HP1BP3: variants seen among roughly 807,000 people sequenced by gnomAD.
HP1BP3 encodes heterochromatin protein 1 binding protein 3, also known as heterochromatin protein 1-binding protein 3.
In HP1BP3, 12 loss-of-function variants were observed where a neutral mutation model predicts 62.5. That is an observed-to-expected ratio of 0.19 (90% CI 0.12 to 0.31). The LOEUF (loss-of-function observed/expected upper bound fraction) is 0.31. Ranked by LOEUF, HP1BP3 falls within the 10% of genes least tolerant of loss-of-function variation. HP1BP3 has a pLI of 1.00. For synonymous variants in HP1BP3, 260 were observed against 237.8 expected, an observed-to-expected ratio of 1.09 and a Z score of -0.86; for missense variants, 502 against 651.8, an observed-to-expected ratio of 0.77 and a Z score of 2.50.
intron 1 of HP1BP3, among the ~76,000 whole-genome samples, chr1:20,781,579 G>GTGTAACA (rs2057550241): frequency 6.6e-6 from 1 of 152,212 alleles, no homozygotes; most frequent in East Asian, 1.9e-4. Flanking sequence ...ATTCAGTGCA[G>GTGTAACA]TGTAACACAC....
At position 20,776,322 on chromosome 1, in the gene HP1BP3, A is replaced by G. The variant is rs893151583; in HGVS notation, c.350+275T>C. The G allele has an allele frequency of 7.5e-5, 32 of 429,120 alleles. 1 individual carries two copies. In the East Asian group the frequency reaches 1.2e-3, roughly 15 times the overall value. The allele number at this position is 429,120 out of a possible 1,614,324, so 26.6% of individuals were successfully genotyped here. On this transcript the variant is annotated intron_variant, in intron 4 of 12. Transcript: ENST00000438032. ...GTCTTGCCAATGCTTAAAATATCAG[A>G]TACTCCCACAATAAATTACAAGCTC...
At chr1:20,765,199 T>TAAA (rs2056719444) in intron 8 of HP1BP3, among the ~76,000 whole-genome samples, 178 bp downstream of exon 8, 3 of 143,716 alleles carry the variant, frequency 2.1e-5, no homozygotes, top group Non-Finnish European at 3.1e-5. Flanking sequence ...AAAAAAAAAT[T>TAAA]ATACATGGAG....
intron 1 of HP1BP3, among the ~76,000 whole-genome samples, chr1:20,784,455 T>A (rs373758986): frequency 6.7e-6 from 1 of 148,772 alleles, no homozygotes; most frequent in African/African-American, 2.5e-5. Flanking sequence ...GATGAACAAA[T>A]AAAACTTATT....
chr1:20,754,056 CAAA>C (rs929083927), intron 9 of HP1BP3, among the ~76,000 whole-genome samples: 8 of 152,122 alleles, frequency 5.3e-5, no homozygotes, highest in African/African-American at 1.9e-4. Context: ...AGACTAGAAA[CAAA>C]GAAGTAAAAT....
At chr1:20,786,153 T>C (rs1364786293) in intron 1 of HP1BP3, 1 of 152,312 alleles carries the variant, frequency 6.6e-6, no homozygotes, top group Non-Finnish European at 1.5e-5. Flanking sequence ...CAGCTGTTAA[T>C]GCAGTACCAA....
Position 20,787,249 on chromosome 1 carries a change from T to A in HP1BP3, c.-155A>T, listed in dbSNP as rs959213611. On this transcript the variant is annotated 5_prime_UTR_variant, in exon 1 of 13. Transcript: ENST00000438032. ...GTCCCGCACGGCCTCTCGGCGCCGC[T>A]CCCGCCGCCGCTAGTCGCCTCCGCC... is the stretch of plus-strand genomic sequence containing the variant. 1 of 151,450 alleles carries A rather than the reference T, an allele frequency of 6.6e-6. No individual in the cohort carries two copies. Among genetic ancestry groups the A allele is most frequent in the Non-Finnish European group, 1.5e-5 (1 of 67,782 alleles). 9.4% of individuals were successfully genotyped at this position (151,450 alleles called of 1,614,324 possible). A position where few individuals can be genotyped will look rare whatever the true frequency, so the allele number is the denominator to read the frequency against.
rs958213594 is a variant in HP1BP3, at chr1:20,780,551, G to A, written c.-100-11C>T. ...TGGTGAAGAATCAACCTAAAGCACA[G>A]AAAAGACCTGGTGTGAAGATTAACA... On this transcript the variant is annotated splice_polypyrimidine_tract_variant and intron_variant, in intron 1 of 12. Coordinates refer to ENST00000438032, the MANE Select transcript of HP1BP3 (RefSeq NM_001372052.1). 4.1e-6 allele frequency: 3 copies of A among 725,530 alleles called. No homozygotes were observed. Among genetic ancestry groups the A allele is most frequent in the African/African-American group, 3.5e-5 (2 of 57,468 alleles). The allele number at this position is 725,530 out of a possible 1,614,324, so 44.9% of individuals were successfully genotyped here.
intron 2 of HP1BP3, 54 bp downstream of exon 2, chr1:20,780,291 C>T: frequency 7.8e-7 from 1 of 1,280,648 alleles, no homozygotes; most frequent in South Asian, 1.2e-5. Context: ...CCCAGCAGGG[C>T]CTGAAGTCAG....
intron 1 of HP1BP3, 129 bp downstream of exon 1, chr1:20,787,066 A>T (rs981850337): frequency 2.0e-5 from 3 of 151,070 alleles, no homozygotes; most frequent in Non-Finnish European, 3.0e-5. Context: ...ACCTCCGGGG[A>T]CCCGGGCGCC....
rs1398377040 is a variant in HP1BP3, at chr1:20,744,655, G to A, written c.*142C>T. 7.8e-6 allele frequency: 6 copies of A among 765,696 alleles called. No homozygotes were observed. In the East Asian group the frequency reaches 1.6e-4, roughly 20 times the overall value. The allele number at this position is 765,696 out of a possible 1,614,324, so 47.4% of individuals were successfully genotyped here. A position where few individuals can be genotyped will look rare whatever the true frequency, so the allele number is the denominator to read the frequency against. On this transcript the variant is annotated 3_prime_UTR_variant, in exon 13 of 13. Coordinates refer to ENST00000438032, the MANE Select transcript of HP1BP3 (RefSeq NM_001372052.1). ...CTAAAGCTAGCAAATGCCTAAACTG[G>A]TTTATTTAGAGTCCCTCCCCACAAT...
chr1:20,755,345 A>G, intron 9 of HP1BP3: 1 of 453,630 alleles, frequency 2.2e-6, no homozygotes, highest in South Asian at 1.6e-5. Context: ...AGGCAGGCAG[A>G]CTACTTCACT....
At chr1:20,777,605 C>G (rs993068674) in intron 3 of HP1BP3, among the ~76,000 whole-genome samples, 1 of 152,044 alleles carries the variant, frequency 6.6e-6, no homozygotes, top group Non-Finnish European at 1.5e-5. Flanking sequence ...ACTACAGGTG[C>G]GTGCCGCCAT....
rs1214658717 is a variant in HP1BP3 at position 20,744,605 on chromosome 1, A to G, written c.*192T>C. 3.5e-6 allele frequency: 2 copies of G among 575,868 alleles called. No homozygotes were observed. The highest frequency in any genetic ancestry group is 1.9e-5 in the African/African-American group (1 of 53,012). The allele number at this position is 575,868 out of a possible 1,614,324, so 35.7% of individuals were successfully genotyped here. ...TTGCAGAAATTAAAATGAACAAGGA[A>G]AAGGGCAGGCACCAATAAAAGCACC... On this transcript the variant is annotated 3_prime_UTR_variant, in exon 13 of 13. Transcript: ENST00000438032.
chr1:20,760,859 A>T (rs972466346), intron 8 of HP1BP3, among the ~76,000 whole-genome samples: 5 of 152,114 alleles, frequency 3.3e-5, no homozygotes, highest in Non-Finnish European at 5.9e-5. Context: ...AATAAATTTT[A>T]AAAAGTGATA....
intron 8 of HP1BP3, among the ~76,000 whole-genome samples, chr1:20,764,343 T>A (rs1245706071): frequency 6.6e-5 from 10 of 151,818 alleles, no homozygotes; most frequent in South Asian, 4.2e-4. Flanking sequence ...TCCTTTTTAC[T>A]CTTATGGTTT....
At position 20,745,022 on chromosome 1, in the gene HP1BP3, A is replaced by C; in HGVS notation, c.1437T>G (p.Pro479=). The change falls in exon 13 of 13, where the codon CCT becomes CCG. Residue 479 remains proline, a synonymous_variant. Transcript: ENST00000438032. The part of the protein sequence containing the change: ...AASVKQRGSK[P]APKVSAAQRG... Reference sequence around the variant, plus strand: ...GCTGGGCAGCTGAGACTTTAGGTGCAGGTTTGGACCCTCTCTGCTTCACAG... The same window carrying C: ...GCTGGGCAGCTGAGACTTTAGGTGCCGGTTTGGACCCTCTCTGCTTCACAG... The C allele has an allele frequency of 6.2e-7, 1 of 1,614,156 alleles. No homozygotes were observed. Among genetic ancestry groups the C allele is most frequent in the Non-Finnish European group, 8.5e-7 (1 of 1,180,024 alleles).
chr1:20,773,634 A>G, intron 4 of HP1BP3, 24 bp from the exon 5 acceptor site: 1 of 1,502,874 alleles, frequency 6.7e-7, no homozygotes, highest in Non-Finnish European at 9.0e-7. Flanking sequence ...AATTGTTATT[A>G]TAGAAGATAA....
In HP1BP3 at chr1:20,745,091, C is replaced by G; in HGVS notation, c.1368G>C (p.Arg456Ser). ...ACTTGGCTGGGGTTTTCTTCTGCAA[C>G]CTGTGAGAACCAAAGAGCAAAGGCC... ...SEDEEPPPKR[R>S]LQKKTPAKSP... The change falls in exon 13 of 13, where the codon AGG (arginine) becomes AGC (serine). Residue 456 changes from arginine to serine, a missense_variant and splice_region_variant. By Grantham distance (110) the Arg-to-Ser change is moderately radical. Around this residue, in one of 5 missense-constraint regions of HP1BP3, gnomAD observed 194 missense variants for 207.0 expected, o/e 0.94. Transcript: ENST00000438032. The G allele has an allele frequency of 6.2e-7, 1 of 1,601,480 alleles. No homozygotes were observed. Among genetic ancestry groups the G allele is most frequent in the Non-Finnish European group, 8.5e-7 (1 of 1,175,880 alleles).
chr1:20,777,711 G>A (rs1395630718), intron 3 of HP1BP3, among the ~76,000 whole-genome samples: 2 of 152,162 alleles, frequency 1.3e-5, no homozygotes, highest in Non-Finnish European at 2.9e-5. Context: ...ACCCGCCTCA[G>A]CCTCCCAAAA....
Sources: gnomAD v4.1 joint callset for allele counts (sites outside exome capture counted in the v4.1 genomes callset) on GRCh38, gnomAD v4.1.1 for gene constraint, gnomAD v4.1.1 regional missense constraint, MANE v1.5 for transcripts, NCBI Gene and HGNC (gene_info 2026-07-23, HGNC 2026-07-21) for gene names.